The following RBMS3 variants were observed in gnomAD, a reference collection of about 807,000 sequenced individuals.
The protein encoded by RBMS3 is RNA-binding motif, single-stranded-interacting protein 3.
RBMS3 carries 27 observed loss-of-function variants against 66.8 expected under a neutral mutation model. The observed-to-expected ratio is 0.40, with a 90% CI of 0.30 to 0.56. RBMS3 has a LOEUF of 0.56. Among genes scored for constraint, RBMS3 ranks in the 20% least tolerant of loss-of-function variants. The pLI is 0.40. For synonymous variants in RBMS3, 188 were observed against 183.0 expected (o/e 1.03, Z -0.22); for missense variants, 513 against 549.5 (o/e 0.93, Z 0.66).
At chr3:29,847,709 G>C (rs34502125) in intron 6 of RBMS3, among the ~76,000 whole-genome samples, 63,793 of 151,072 alleles carry the variant, frequency 0.42, 14,859 homozygotes, top group Non-Finnish European at 0.54. Context: ...AGGCTGGAGT[G>C]CAGTGGCGCG....
At chr3:29,458,704 C>A (rs2042274270) in intron 2 of RBMS3, among the ~76,000 whole-genome samples, 2 of 152,082 alleles carry the variant, frequency 1.3e-5, no homozygotes, top group South Asian at 2.1e-4. Flanking sequence ...AGAGGGCCAA[C>A]TGTACAGAAA....
In RBMS3 at chr3:29,739,819, A is replaced by C; in HGVS notation, c.499A>C (p.Ile167Leu). 1 of 1,613,404 alleles carries C rather than the reference A, an allele frequency of 6.2e-7. No homozygotes were observed. Among genetic ancestry groups the C allele is most frequent in the Non-Finnish European group, 8.5e-7 (1 of 1,179,722 alleles). ...TATGCTGAAACCCTTTGGACATGTC[A>C]TTTCCACAAGAATACTAAGAGACGC... is the stretch of plus-strand genomic sequence containing the variant. ...ENMLKPFGHVISTRILRDANG... is the reference protein window; with the variant it reads ...ENMLKPFGHVLSTRILRDANG... The change falls in exon 5 of 15, where the codon ATT becomes CTT. Residue 167 changes from isoleucine to leucine, a missense_variant. Transcript: ENST00000383767.
At chr3:29,783,750 T>C (rs2056723438) in intron 6 of RBMS3, among the ~76,000 whole-genome samples, 1 of 152,116 alleles carries the variant, frequency 6.6e-6, no homozygotes, top group Non-Finnish European at 1.5e-5. Context: ...AGATACAGAA[T>C]GGCAGAATGG....
intron 6 of RBMS3, among the ~76,000 whole-genome samples, chr3:29,797,052 T>C (rs577588313): frequency 6.6e-6 from 1 of 152,190 alleles, no homozygotes; most frequent in African/African-American, 2.4e-5. Flanking sequence ...TAGCCCCTAA[T>C]GAGACAGTCA....
intron 1 of RBMS3, among the ~76,000 whole-genome samples, chr3:29,352,151 AGACT>A (rs2036954935): frequency 6.6e-6 from 1 of 152,102 alleles, no homozygotes; most frequent in Non-Finnish European, 1.5e-5. Context: ...ATTATTTTTA[AGACT>A]ATTCTCCCTT....
chr3:29,872,707 C>G (rs1448079223), intron 7 of RBMS3, among the ~76,000 whole-genome samples: 1 of 152,184 alleles, frequency 6.6e-6, no homozygotes, highest in South Asian at 2.1e-4. Context: ...TCCCCGGTGC[C>G]TCCTCCAGGA....
intron 3 of RBMS3, among the ~76,000 whole-genome samples, chr3:29,548,979 A>G (rs978798398): frequency 6.6e-6 from 1 of 152,062 alleles, no homozygotes; most frequent in East Asian, 1.9e-4. Flanking sequence ...TTTTCTTTTG[A>G]ATAAAAAATC....
intron 12 of RBMS3, among the ~76,000 whole-genome samples, chr3:29,978,307 C>T (rs1003934538): frequency 3.3e-5 from 5 of 152,132 alleles, no homozygotes; most frequent in African/African-American, 1.2e-4. Flanking sequence ...ATGTCTACCA[C>T]AGAAGAACTG....
chr3:29,805,322 T>A (rs909809874), intron 6 of RBMS3, among the ~76,000 whole-genome samples: 2 of 152,080 alleles, frequency 1.3e-5, no homozygotes, highest in African/African-American at 4.8e-5. Flanking sequence ...TAATACTTGA[T>A]CATGATAATA....
chr3:29,686,219 A>G (rs1329324025), intron 4 of RBMS3, among the ~76,000 whole-genome samples: 1 of 152,132 alleles, frequency 6.6e-6, no homozygotes, highest in Non-Finnish European at 1.5e-5. Context: ...TATTACTCTA[A>G]TCAGTACATT....
intron 2 of RBMS3, among the ~76,000 whole-genome samples, chr3:29,450,530 T>G (rs970416265): frequency 6.6e-6 from 1 of 152,222 alleles, no homozygotes; most frequent in Non-Finnish European, 1.5e-5. Context: ...AAGTTTTACC[T>G]GGATTTTAGT....
chr3:30,004,422 G>A lies in RBMS3; in HGVS notation c.*560G>A, dbSNP rs1699742700. 6.6e-6 allele frequency: 1 copy of A among 151,990 alleles called. No homozygotes were observed. The highest frequency in any genetic ancestry group is 6.6e-5 in the Admixed American group (1 of 15,190). The allele number at this position is 151,990 out of a possible 1,614,324, so 9.4% of individuals were successfully genotyped here. A position where few individuals can be genotyped will look rare whatever the true frequency, so the allele number is the denominator to read the frequency against. On this transcript the variant is annotated 3_prime_UTR_variant, in exon 15 of 15. Coordinates refer to ENST00000383767, the MANE Select transcript of RBMS3 (RefSeq NM_001003793.3). ...TTTAAGGACGTCAAAGGCTCTCGAGGCAAGCTGTCAACGTCTTGTTGAAAA... is the reference window on the plus strand; with the variant it reads ...TTTAAGGACGTCAAAGGCTCTCGAGACAAGCTGTCAACGTCTTGTTGAAAA...
At chr3:29,655,653 A>T (rs1279415501) in intron 4 of RBMS3, among the ~76,000 whole-genome samples, 1 of 152,190 alleles carries the variant, frequency 6.6e-6, no homozygotes, top group Non-Finnish European at 1.5e-5. Flanking sequence ...TCATGATAAT[A>T]AAGATTATGT....
At position 30,009,368 on chromosome 3, in the gene RBMS3, A is replaced by C. The variant is rs776907158; in HGVS notation, c.*5506A>C. The C allele has an allele frequency of 6.6e-6, 1 of 152,116 alleles. No individual in the cohort carries two copies. The highest frequency in any genetic ancestry group is 1.5e-5 in the Non-Finnish European group (1 of 67,998). 9.4% of individuals were successfully genotyped at this position (152,116 alleles called of 1,614,324 possible). Reference sequence around the variant, plus strand: ...TTATTTTATTTCTTATAAAGTATTAATTTCTTAAGGGGGTTTGAAATCATT... The same window carrying C: ...TTATTTTATTTCTTATAAAGTATTACTTTCTTAAGGGGGTTTGAAATCATT... On this transcript the variant is annotated 3_prime_UTR_variant, in exon 15 of 15. Coordinates refer to ENST00000383767, the MANE Select transcript of RBMS3 (RefSeq NM_001003793.3).
At chr3:29,772,881 A>G (rs531643262) in intron 6 of RBMS3, among the ~76,000 whole-genome samples, 1 of 152,196 alleles carries the variant, frequency 6.6e-6, no homozygotes, top group South Asian at 2.1e-4. Context: ...ATATTACTAT[A>G]GAAGACTGTT....
intron 12 of RBMS3, among the ~76,000 whole-genome samples, chr3:29,953,699 A>G (rs1695838339): frequency 6.6e-6 from 1 of 151,908 alleles, no homozygotes; most frequent in South Asian, 2.1e-4. Flanking sequence ...GATTGTCACA[A>G]TCATTCCGCA....
chr3:29,373,495 GA>G (rs2038312192), intron 1 of RBMS3, among the ~76,000 whole-genome samples: 1 of 151,600 alleles, frequency 6.6e-6, no homozygotes. Context: ...AGGGAAACAA[GA>G]GTCAGACTTG....
At chr3:30,001,038 T>TTA (rs1553717967) in intron 14 of RBMS3, among the ~76,000 whole-genome samples, 19 of 151,596 alleles carry the variant, frequency 1.3e-4, no homozygotes, top group Middle Eastern at 3.4e-3. Flanking sequence ...TAAAGTATAA[T>TTA]AAAAAAAAGA....
At chr3:29,809,137 A>AGAT (rs1311034965) in intron 6 of RBMS3, among the ~76,000 whole-genome samples, 1 of 151,806 alleles carries the variant, frequency 6.6e-6, no homozygotes, top group African/African-American at 2.4e-5. Flanking sequence ...AAATCACAAA[A>AGAT]GATTGTTGTG....
Sources: gnomAD v4.1 joint callset for allele counts (sites outside exome capture counted in the v4.1 genomes callset) on GRCh38, gnomAD v4.1.1 for gene constraint, MANE v1.5 for transcripts, NCBI Gene and HGNC (gene_info 2026-07-23, HGNC 2026-07-21) for gene names.